The following AGAP3 variants were observed in gnomAD, a reference collection of about 807,000 sequenced individuals.
The protein encoded by AGAP3 is arf-GAP with GTPase, ANK repeat and PH domain-containing protein 3.
A neutral mutation model predicts 96.9 loss-of-function variants in AGAP3; 24 were observed. The ratio of observed to expected loss-of-function variants is 0.25; its 90% confidence interval spans 0.18 to 0.35. The LOEUF is 0.35. AGAP3 is among the 10% of genes least tolerant of loss of function. The pLI, the probability that AGAP3 is intolerant of heterozygous loss-of-function variation, is 1.00. For synonymous variants in AGAP3, 563 were observed against 536.1 expected (o/e 1.05, Z -0.69); for missense variants, 876 against 1,254.2 (o/e 0.70, Z 4.55).
intron 1 of AGAP3, among the ~76,000 whole-genome samples, chr7:151,095,401 C>T (rs1048550194): frequency 6.6e-6 from 1 of 152,192 alleles, no homozygotes; most frequent in Non-Finnish European, 1.5e-5. Flanking sequence ...CTGCCAGAAC[C>T]CCTCCTTACC....
At position 151,118,376 on chromosome 7, in the gene AGAP3, A is replaced by T. The variant is rs754395167; in HGVS notation, c.841+32A>T. The T allele has an allele frequency of 1.3e-6, 2 of 1,598,568 alleles. No individual in the cohort carries two copies. The highest frequency in any genetic ancestry group is 1.7e-6 in the Non-Finnish European group (2 of 1,168,184). ...CGGGTGCCGGGTGGGAGTCACTGGC[A>T]GCCGCGGCCCCAGTGCTGGCGATAG... On this transcript the variant is annotated intron_variant, in intron 6 of 17. Coordinates refer to ENST00000397238, the MANE Select transcript of AGAP3 (RefSeq NM_031946.7). This position sits in a 1 kb window ranked among gnomAD's most constrained non-coding sequence, Gnocchi z 6.1.
chr7:151,088,338 C>T (rs1798243044), intron 1 of AGAP3, among the ~76,000 whole-genome samples: 1 of 152,216 alleles, frequency 6.6e-6, no homozygotes, highest in African/African-American at 2.4e-5. Context: ...TTTCTTTCCT[C>T]TCAAGGCTGA....
intron 1 of AGAP3, among the ~76,000 whole-genome samples, chr7:151,113,278 T>C (rs542644421): frequency 6.6e-6 from 1 of 152,308 alleles, no homozygotes; most frequent in African/African-American, 2.4e-5. Context: ...GGTACTTCCA[T>C]TGTGGGGGGA....
intron 4 of AGAP3, 29 bp from the exon 5 acceptor site, chr7:151,117,607 G>T: frequency 6.2e-7 from 1 of 1,612,864 alleles, no homozygotes; most frequent in Non-Finnish European, 8.5e-7. Flanking sequence ...GTCCAGTTGC[G>T]GGTGCTAATT....
At chr7:151,100,207 C>G (rs1354850518) in intron 1 of AGAP3, among the ~76,000 whole-genome samples, 2 of 152,194 alleles carry the variant, frequency 1.3e-5, no homozygotes, top group African/African-American at 2.4e-5. Flanking sequence ...TTCGTGCTCC[C>G]CCAGCTGCGG....
At chr7:151,109,124 T>C (rs1799174071) in intron 1 of AGAP3, among the ~76,000 whole-genome samples, 1 of 148,508 alleles carries the variant, frequency 6.7e-6, no homozygotes, top group Admixed American at 6.7e-5. Flanking sequence ...GCCCAGGAGT[T>C]CTAGACCAGC....
At position 151,104,430 on chromosome 7, in the gene AGAP3, G is replaced by T. The variant is rs117463140; in HGVS notation, c.332-12363G>T. 1.0e-3 allele frequency among the ~76,000 whole-genome samples: 154 copies of T among 152,288 alleles called. No homozygotes were observed. The East Asian group carries it at 0.021, about 21-fold the overall frequency. On this transcript the variant is annotated intron_variant, in intron 1 of 17. Transcript: ENST00000397238. ...CGTGCCCGCTATACGAAGAGCTCCT[G>T]CAGATTAAGAAAACGATTTGAAAAA... is the stretch of plus-strand genomic sequence containing the variant.
chr7:151,130,314 G>A (rs1800354770), intron 10 of AGAP3, among the ~76,000 whole-genome samples: 1 of 152,184 alleles, frequency 6.6e-6, no homozygotes, highest in African/African-American at 2.4e-5. Context: ...GGTTGGGCTG[G>A]GTTTTGGTTT....
At chr7:151,124,798 C>G (rs2150498633) in intron 9 of AGAP3, among the ~76,000 whole-genome samples, 1 of 152,258 alleles carries the variant, frequency 6.6e-6, no homozygotes, top group Admixed American at 6.5e-5. Flanking sequence ...GTTTCTGACC[C>G]CCAGCCAAAG....
At chr7:151,089,297 G>A (rs1002856121) in intron 1 of AGAP3, among the ~76,000 whole-genome samples, 1 of 152,232 alleles carries the variant, frequency 6.6e-6, no homozygotes, top group Admixed American at 6.5e-5. Context: ...AGGAGGGAGA[G>A]GCGCAGACTC....
chr7:151,140,313 T>C lies in AGAP3; in HGVS notation c.1804+197T>C. The C allele has an allele frequency of 3.8e-6, 2 of 525,590 alleles. No homozygotes were observed. Among genetic ancestry groups the C allele is most frequent in the Non-Finnish European group, 5.9e-6 (2 of 341,246 alleles). The allele number at this position is 525,590 out of a possible 1,614,324, so 32.6% of individuals were successfully genotyped here. On this transcript the variant is annotated intron_variant, in intron 13 of 17. Transcript: ENST00000397238. The surrounding 1 kb of genome is among the most constrained non-coding windows in gnomAD (Gnocchi z 5.4). ...ATCTTAGAAAAGTTCTTCTGATAAC[T>C]GAAACCCTTTCTGTTGAAATGTGGG...
Position 151,140,290 on chromosome 7 carries a change from C to T in AGAP3, c.1804+174C>T, listed in dbSNP as rs931206625. 1.4e-5 allele frequency: 10 copies of T among 695,772 alleles called. No homozygotes were observed. In the East Asian group the frequency reaches 3.1e-4, roughly 22 times the overall value. The allele number at this position is 695,772 out of a possible 1,614,324, so 43.1% of individuals were successfully genotyped here. A position where few individuals can be genotyped will look rare whatever the true frequency, so the allele number is the denominator to read the frequency against. ...TCTTTTGGTAATCTAGACCTGGTAT[C>T]TTAGAAAAGTTCTTCTGATAACTGA... is the stretch of plus-strand genomic sequence containing the variant. On this transcript the variant is annotated intron_variant, in intron 13 of 17. Transcript: ENST00000397238. The surrounding 1 kb of genome is among the most constrained non-coding windows in gnomAD (Gnocchi z 5.4).
chr7:151,126,630 A>G (rs1800190050), intron 9 of AGAP3, among the ~76,000 whole-genome samples: 1 of 152,110 alleles, frequency 6.6e-6, no homozygotes, highest in South Asian at 2.1e-4. Context: ...GCCTTCGAGC[A>G]CGCTAGTCCC....
Position 151,119,983 on chromosome 7 carries a change from T to G in AGAP3, c.970-4T>G, listed in dbSNP as rs138479600. Reference sequence around the variant, plus strand: ...CTGCCCTCAGCAGCCCTCTTTGTCCTTAGGCCACGAATGGCGGCGGCAGCG... The same window carrying G: ...CTGCCCTCAGCAGCCCTCTTTGTCCGTAGGCCACGAATGGCGGCGGCAGCG... On this transcript the variant is annotated splice_region_variant and splice_polypyrimidine_tract_variant and intron_variant, in intron 7 of 17. Coordinates refer to ENST00000397238, the MANE Select transcript of AGAP3 (RefSeq NM_031946.7). The G allele has an allele frequency of 5.5e-3, 8,829 of 1,613,510 alleles. 28 individuals carry two copies. The highest frequency in any genetic ancestry group is 6.5e-3 in the Non-Finnish European group (7,707 of 1,179,872).
At chr7:151,121,820 G>C (rs904854871) in intron 8 of AGAP3, among the ~76,000 whole-genome samples, 1 of 152,208 alleles carries the variant, frequency 6.6e-6, no homozygotes, top group Non-Finnish European at 1.5e-5. Flanking sequence ...CTCTGTGGGT[G>C]TATCTCGGGA....
At position 151,129,327 on chromosome 7, in the gene AGAP3, C is replaced by T. The variant is rs1011176362; in HGVS notation, c.1326+643C>T. The stretch of plus-strand genomic sequence containing the variant: ...CTCCTGTGAAGCCCCTCCAGCACAG[C>T]GCGTGCCCCCCACTGCCCCGCCCCG... On this transcript the variant is annotated intron_variant, in intron 10 of 17. Transcript: ENST00000397238. Among the ~76,000 whole-genome samples the T allele has an allele frequency of 5.3e-5, 8 of 152,208 alleles. No homozygotes were observed. The South Asian group carries it at 8.3e-4, about 16-fold the overall frequency.
At position 151,114,774 on chromosome 7, in the gene AGAP3, G is replaced by A; in HGVS notation, c.332-2019G>A. Reference sequence around the variant, plus strand: ...CCCGCGCCCGCCGGCCCTGAGCATGGAGCGGGGCTGGCCGCAGGGGGACAG... The same window carrying A: ...CCCGCGCCCGCCGGCCCTGAGCATGAAGCGGGGCTGGCCGCAGGGGGACAG... On this transcript the variant is annotated intron_variant, in intron 1 of 17. Transcript: ENST00000397238. The surrounding 1 kb of genome is among the most constrained non-coding windows in gnomAD (Gnocchi z 4.4). The A allele has an allele frequency of 9.7e-7, 1 of 1,029,350 alleles. No individual in the cohort carries two copies. Among genetic ancestry groups the A allele is most frequent in the Non-Finnish European group, 1.2e-6 (1 of 860,470 alleles). The allele number at this position is 1,029,350 out of a possible 1,614,324, so 63.8% of individuals were successfully genotyped here. A position where few individuals can be genotyped will look rare whatever the true frequency, so the allele number is the denominator to read the frequency against.
intron 1 of AGAP3, among the ~76,000 whole-genome samples, chr7:151,111,163 C>T (rs1040624738): frequency 6.6e-6 from 1 of 152,168 alleles, no homozygotes; most frequent in African/African-American, 2.4e-5. Flanking sequence ...GGGTGTGTGG[C>T]CAGCCCTAGC....
intron 5 of AGAP3, chr7:151,117,981 C>T (rs1408566985): frequency 1.1e-6 from 1 of 887,124 alleles, no homozygotes; most frequent in African/African-American, 1.7e-5. Context: ...ACTAGCAGGT[C>T]TGTGTTTTTT....
Sources: allele counts gnomAD v4.1 joint callset (sites outside exome capture counted in the v4.1 genomes callset), GRCh38; gene constraint gnomAD v4.1.1; non-coding constraint Gnocchi (gnomAD v3.1); transcripts MANE v1.5; gene names NCBI Gene and HGNC (gene_info 2026-07-23, HGNC 2026-07-21).